The following AKR1E2 variants were observed in gnomAD, a reference collection of about 807,000 sequenced individuals.
AKR1E2 encodes aldo-keto reductase family 1 member E2, also known as 1,5-anhydro-D-fructose reductase.
In AKR1E2, 43 loss-of-function variants were observed where a neutral mutation model predicts 41.9. The observed-to-expected ratio is 1.03, with a 90% CI of 0.80 to 1.32. The LOEUF is 1.32. Among genes scored for constraint, AKR1E2 ranks in the 40% most tolerant of loss-of-function variants. AKR1E2 has a pLI of 0.00. For missense variants in AKR1E2, 423 were observed against 396.5 expected, an observed-to-expected ratio of 1.07 and a Z score of -0.57; for synonymous variants, 121 against 138.9, an observed-to-expected ratio of 0.87 and a Z score of 0.91.
the AKR1E2 span, among the ~76,000 whole-genome samples, chr10:4,856,481 G>A: frequency 6.6e-5 from 10 of 152,276 alleles, no homozygotes; most frequent in East Asian, 1.3e-3. Context: ...AAGTGAATAC[G>A]ATTGGATACA....
the AKR1E2 span, among the ~76,000 whole-genome samples, chr10:4,856,578 G>C: frequency 2.0e-5 from 3 of 152,276 alleles, no homozygotes; most frequent in East Asian, 5.8e-4. Flanking sequence ...TGGTATAAAA[G>C]TCATACAGGA....
the AKR1E2 span, among the ~76,000 whole-genome samples, chr10:4,863,652 A>G: frequency 6.6e-6 from 1 of 152,210 alleles, no homozygotes; most frequent in East Asian, 1.9e-4. Flanking sequence ...AAACCCTTCA[A>G]AAAATCAATG....
At chr10:4,836,404 G>A (rs1833423429) in intron 4 of AKR1E2, among the ~76,000 whole-genome samples, 1 of 152,180 alleles carries the variant, frequency 6.6e-6, no homozygotes, top group Non-Finnish European at 1.5e-5. Context: ...CCTGGAAGTT[G>A]ACCCACAGGC....
chr10:4,849,844 G>A (rs1279724037), downstream of AKR1E2, among the ~76,000 whole-genome samples: 2 of 152,218 alleles, frequency 1.3e-5, no homozygotes, highest in Non-Finnish European at 2.9e-5. Context: ...GCGCTGGGAA[G>A]CACTTAATGG....
Position 4,826,270 on chromosome 10 carries a change from G to T in AKR1E2, c.-55G>T. ...CCAGCGCCGCAGTAGCTCGCGCGGT[G>T]CCTGTCGGTAGTCGCGTGCGGGGCG... is the stretch of plus-strand genomic sequence containing the variant. On this transcript the variant is annotated 5_prime_UTR_variant, in exon 1 of 10. Transcript: ENST00000298375. 8.2e-7 allele frequency: 1 copy of T among 1,220,564 alleles called. No homozygotes were observed. The highest frequency in any genetic ancestry group is 1.0e-6 in the Non-Finnish European group (1 of 976,642). 75.6% of individuals were successfully genotyped at this position (1,220,564 alleles called of 1,614,324 possible). A position where few individuals can be genotyped will look rare whatever the true frequency, so the allele number is the denominator to read the frequency against.
At chr10:4,827,044 C>G (rs2131479029) in intron 1 of AKR1E2, among the ~76,000 whole-genome samples, 1 of 149,154 alleles carries the variant, frequency 6.7e-6, no homozygotes, top group East Asian at 2.0e-4. Flanking sequence ...CCACTGCACT[C>G]CAGCCTTGGG....
chr10:4,847,306 A>G, intron 9 of AKR1E2, 76 bp downstream of exon 9: 1 of 1,595,166 alleles, frequency 6.3e-7, no homozygotes, highest in South Asian at 1.1e-5. Flanking sequence ...ATAGGTATTT[A>G]TCATACACAT....
At chr10:4,873,225 G>T in the AKR1E2 span, among the ~76,000 whole-genome samples, 1 of 152,056 alleles carries the variant, frequency 6.6e-6, no homozygotes, top group Non-Finnish European at 1.5e-5. Flanking sequence ...CTCTCTTTTT[G>T]CCTGCTGCCA....
At chr10:4,851,080 G>C (rs1029121607), downstream of AKR1E2, among the ~76,000 whole-genome samples, 1 of 152,196 alleles carries the variant, frequency 6.6e-6, no homozygotes, top group Non-Finnish European at 1.5e-5. Context: ...GTTGAAATGG[G>C]AGAGGCACGC....
At chr10:4,837,239 G>T (rs1049784653) in intron 4 of AKR1E2, among the ~76,000 whole-genome samples, 2 of 152,180 alleles carry the variant, frequency 1.3e-5, no homozygotes, top group African/African-American at 2.4e-5. Context: ...AGAAAATTGG[G>T]GCCAAGTGAG....
intron 4 of AKR1E2, among the ~76,000 whole-genome samples, chr10:4,836,411 A>C (rs1278049989): frequency 6.6e-6 from 1 of 152,176 alleles, no homozygotes; most frequent in Non-Finnish European, 1.5e-5. Flanking sequence ...GTTGACCCAC[A>C]GGCTGGGGTG....
chr10:4,825,418 C>T (rs1002095506), upstream of AKR1E2, among the ~76,000 whole-genome samples: 2 of 152,172 alleles, frequency 1.3e-5, no homozygotes, highest in African/African-American at 4.8e-5. Flanking sequence ...TTTCCCTCCA[C>T]TGGCCCTGGG....
rs1834422420 is a variant in AKR1E2, at chr10:4,847,528, T to C, written c.961T>C (p.Ter321ArgextTer50). ...HKDYPFHIEY[*>R] ...AGACTATCCTTTCCACATAGAATAC[T>C]GAGGACGCTTCCCCTTCCTTGTTTC... The change falls in exon 10 of 10, where the codon TGA (stop) becomes CGA (arginine). Residue 321 changes from the stop codon to arginine (R), a stop_lost. Transcript: ENST00000298375. 1.2e-6 allele frequency: 2 copies of C among 1,613,426 alleles called. No individual in the cohort carries two copies. The highest frequency in any genetic ancestry group is 2.7e-5 in the African/African-American group (2 of 75,026).
intron 9 of AKR1E2, 69 bp downstream of exon 9, chr10:4,847,299 G>A (rs760131279): frequency 1.2e-5 from 19 of 1,600,358 alleles, no homozygotes; most frequent in Non-Finnish European, 1.4e-5. Flanking sequence ...TGTCTGAATA[G>A]GTATTTATCA....
chr10:4,872,738 TC>T, the AKR1E2 span, among the ~76,000 whole-genome samples: 2 of 152,164 alleles, frequency 1.3e-5, no homozygotes, highest in African/African-American at 4.8e-5. Context: ...AATCTAACAC[TC>T]TAATGTGGTA....
Position 4,839,912 on chromosome 10 carries a change from G to T in AKR1E2, c.680+86G>T, listed in dbSNP as rs1588464933. On this transcript the variant is annotated intron_variant, in intron 6 of 9. Coordinates refer to ENST00000298375, the MANE Select transcript of AKR1E2 (RefSeq NM_001040177.3). Reference sequence around the variant, plus strand: ...CATTTCCTTGGGATGACTGAGGGAGGGCTTAATGGAGGTTTTGACAGGGTG... The same window carrying T: ...CATTTCCTTGGGATGACTGAGGGAGTGCTTAATGGAGGTTTTGACAGGGTG... 7 of 1,280,972 alleles carry T rather than the reference G, an allele frequency of 5.5e-6. No individual in the cohort carries two copies. The East Asian group carries it at 1.2e-4, about 21-fold the overall frequency. The allele number at this position is 1,280,972 out of a possible 1,614,324, so 79.4% of individuals were successfully genotyped here.
At chr10:4,845,664 G>GCCC in intron 8 of AKR1E2, 1 of 463,970 alleles carries the variant, frequency 2.2e-6, no homozygotes, top group South Asian at 1.6e-5. Context: ...CATCGCCCCA[G>GCCC]TTCTGCCCTT....
intron 1 of AKR1E2, among the ~76,000 whole-genome samples, chr10:4,828,156 A>C (rs1484166046): frequency 6.6e-6 from 1 of 152,214 alleles, no homozygotes; most frequent in Admixed American, 6.5e-5. Context: ...GTACAGCAGC[A>C]AGTGTATTCC....
downstream of AKR1E2, among the ~76,000 whole-genome samples, chr10:4,851,898 G>A (rs551577543): frequency 1.3e-5 from 2 of 152,034 alleles, no homozygotes; most frequent in African/African-American, 4.8e-5. Context: ...AAATAAGAGG[G>A]TGAGACTTTT....
Sources: allele counts gnomAD v4.1 joint callset (sites outside exome capture counted in the v4.1 genomes callset), GRCh38; gene constraint gnomAD v4.1.1; transcripts MANE v1.5; gene names NCBI Gene and HGNC (gene_info 2026-07-23, HGNC 2026-07-21).